SLC11A2: variants seen among roughly 807,000 people sequenced by gnomAD.
The protein encoded by SLC11A2 is natural resistance-associated macrophage protein 2.
Under a neutral mutation model 68.0 loss-of-function variants are expected in SLC11A2, and 38 were observed. The ratio of observed to expected loss-of-function variants is 0.56; its 90% CI spans 0.43 to 0.73. The LOEUF (loss-of-function observed/expected upper bound fraction) is 0.73, where lower values mean the gene tolerates loss of function less well. Among genes scored for constraint, SLC11A2 ranks in the 30% least tolerant of loss-of-function variants. SLC11A2 has a pLI of 0.00. For synonymous variants in SLC11A2, 242 were observed against 250.6 expected (o/e 0.97, Z 0.32); for missense variants, 517 against 690.5 (o/e 0.75, Z 2.82).
chr12:50,987,795 T>C lies in SLC11A2; in HGVS notation c.*530A>G. On this transcript the variant is annotated 3_prime_UTR_variant, in exon 16 of 16. Coordinates refer to ENST00000262052, the MANE Select transcript of SLC11A2 (RefSeq NM_000617.3). The stretch of plus-strand genomic sequence containing the variant: ...ATCCTAAGCCTGATAGAGCTAGGTG[T>C]CTCTTCATTTTATATTTCATATGGA... The C allele has an allele frequency of 7.9e-7, 1 of 1,272,986 alleles. No homozygotes were observed. Among genetic ancestry groups the C allele is most frequent in the Non-Finnish European group, 1.0e-6 (1 of 983,768 alleles). The allele number at this position is 1,272,986 out of a possible 1,614,324, so 78.9% of individuals were successfully genotyped here.
chr12:51,011,552 G>GTTTTTTTT (rs772957287), intron 1 of SLC11A2, among the ~76,000 whole-genome samples: 2 of 125,242 alleles, frequency 1.6e-5, no homozygotes, highest in Non-Finnish European at 1.6e-5. Context: ...TTTATGAGTT[G>GTTTTTTTT]TTTTTTTTTG....
At position 50,987,924 on chromosome 12, in the gene SLC11A2, A is replaced by C; in HGVS notation, c.*401T>G. 1 of 1,277,396 alleles carries C rather than the reference A, an allele frequency of 7.8e-7. No homozygotes were observed. Among genetic ancestry groups the C allele is most frequent in the Non-Finnish European group, 1.0e-6 (1 of 983,298 alleles). The allele number at this position is 1,277,396 out of a possible 1,614,324, so 79.1% of individuals were successfully genotyped here. ...AAAATCCATTACATTTTGATAAATA[A>C]AACTTGCATACTCATTCTGTAGTTT... On this transcript the variant is annotated 3_prime_UTR_variant, in exon 16 of 16. Coordinates refer to ENST00000262052, the MANE Select transcript of SLC11A2 (RefSeq NM_000617.3).
intron 15 of SLC11A2, among the ~76,000 whole-genome samples, chr12:50,990,176 A>C (rs1941004671): frequency 9.6e-5 from 1 of 10,408 alleles, no homozygotes; most frequent in South Asian, 5.3e-3. Flanking sequence ...TTAAAAAATG[A>C]CTCTAGAATG....
chr12:50,993,283 G>A, intron 11 of SLC11A2: 1 of 272,312 alleles, frequency 3.7e-6, no homozygotes. Context: ...TAGAAGTACA[G>A]GGAAATATCA....
At chr12:50,953,208 C>T in the SLC11A2 span, among the ~76,000 whole-genome samples, 1 of 152,180 alleles carries the variant, frequency 6.6e-6, no homozygotes, top group African/African-American at 2.4e-5. Context: ...TCTACAGCCT[C>T]TTGCTGAAGG....
chr12:50,999,335 C>T lies in SLC11A2; in HGVS notation c.607+10G>A. Reference sequence around the variant, plus strand: ...AGCTCCTTTGACCCTCCCATTCCCGCTCTCCTTACCATATTTGTCCAAGAA... The same window carrying T: ...AGCTCCTTTGACCCTCCCATTCCCGTTCTCCTTACCATATTTGTCCAAGAA... On this transcript the variant is annotated intron_variant, in intron 7 of 15. Transcript: ENST00000262052. 6.2e-7 allele frequency: 1 copy of T among 1,613,242 alleles called. No homozygotes were observed. Among genetic ancestry groups the T allele is most frequent in the South Asian group, 1.1e-5 (1 of 91,056 alleles).
chr12:50,994,744 C>T (rs1386085830), intron 10 of SLC11A2, 114 bp from the exon 11 acceptor site: 3 of 732,454 alleles, frequency 4.1e-6, no homozygotes, highest in Non-Finnish European at 7.6e-6. Context: ...AGGGAAAACA[C>T]TGGACATATG....
chr12:50,962,892 G>A, the SLC11A2 span, among the ~76,000 whole-genome samples: 1 of 152,118 alleles, frequency 6.6e-6, no homozygotes, highest in South Asian at 2.1e-4. Context: ...CAGAAGCATG[G>A]CATGTAAGTG....
At chr12:50,954,148 C>A in the SLC11A2 span, 3 of 1,027,612 alleles carry the variant, frequency 2.9e-6, no homozygotes, top group Non-Finnish European at 4.5e-6. Flanking sequence ...TGATGCCTTA[C>A]CCAGTGCCTT....
the SLC11A2 span, among the ~76,000 whole-genome samples, chr12:50,966,919 C>G: frequency 6.6e-6 from 1 of 152,092 alleles, no homozygotes; most frequent in African/African-American, 2.4e-5. Context: ...AGTTCGAGAA[C>G]AGCCTGGCCA....
intron 2 of SLC11A2, among the ~76,000 whole-genome samples, chr12:51,009,590 A>C (rs1943036840): frequency 1.3e-5 from 2 of 152,198 alleles, no homozygotes; most frequent in South Asian, 4.1e-4. Flanking sequence ...TTAATGAAGA[A>C]ATTTATAGAA....
intron 9 of SLC11A2, 47 bp from the exon 10 acceptor site, chr12:50,995,834 T>G: frequency 2.5e-6 from 4 of 1,590,656 alleles, no homozygotes; most frequent in Non-Finnish European, 3.5e-6. Flanking sequence ...TTAGAACAAG[T>G]TTCCTTGTGA....
upstream of SLC11A2, among the ~76,000 whole-genome samples, chr12:51,026,896 G>T (rs1309219542): frequency 6.6e-6 from 1 of 152,092 alleles, no homozygotes; most frequent in Non-Finnish European, 1.5e-5. Flanking sequence ...CCAAGCAAAG[G>T]CCGGGCGCGG....
chr12:50,982,361 C>T (rs1473427145), downstream of SLC11A2, among the ~76,000 whole-genome samples: 1 of 152,208 alleles, frequency 6.6e-6, no homozygotes, highest in Admixed American at 6.5e-5. Flanking sequence ...TGCGGTGGCT[C>T]ACGCCTGTAA....
chr12:51,016,656 TG>T (rs1267459482), intron 1 of SLC11A2, among the ~76,000 whole-genome samples: 1 of 136,176 alleles, frequency 7.3e-6, no homozygotes, highest in Non-Finnish European at 1.6e-5. Context: ...CACTCCAGCC[TG>T]GGTGGCAGGG....
chr12:51,025,873 C>A lies in SLC11A2; in HGVS notation c.-39+437G>T, dbSNP rs189751065. 4.8e-4 allele frequency: 470 copies of A among 988,200 alleles called. 1 individual carries two copies. The Admixed American group carries it at 0.018, about 37-fold the overall frequency. 61.2% of individuals were successfully genotyped at this position (988,200 alleles called of 1,614,324 possible). ...TTTGTTGAAGCGGGGCGGCGGGAGG[C>A]CCCGGAGAGCAGCCCGGCCCCCTGC... On this transcript the variant is annotated intron_variant, in intron 1 of 15. Coordinates refer to ENST00000262052, the MANE Select transcript of SLC11A2 (RefSeq NM_000617.3).
At chr12:51,020,971 G>A (rs2239860) in intron 1 of SLC11A2, among the ~76,000 whole-genome samples, 10,789 of 152,078 alleles carry the variant, frequency 0.071, 731 homozygotes, top group East Asian at 0.28. Context: ...CACTCCTGTA[G>A]TCCCAACTAC....
intron 5 of SLC11A2, among the ~76,000 whole-genome samples, 180 bp downstream of exon 5, chr12:51,004,608 G>A (rs771322241): frequency 4.6e-5 from 7 of 152,136 alleles, no homozygotes; most frequent in South Asian, 4.1e-4. Flanking sequence ...TTGAAAGAGG[G>A]GGAAAACATG....
intron 1 of SLC11A2, among the ~76,000 whole-genome samples, chr12:51,021,787 G>A (rs1271772112): frequency 6.6e-6 from 1 of 152,162 alleles, no homozygotes; most frequent in African/African-American, 2.4e-5. Flanking sequence ...AAAATGTTAG[G>A]AAGCAAGAAG....
Sources: allele counts gnomAD v4.1 joint callset (sites outside exome capture counted in the v4.1 genomes callset), GRCh38; gene constraint gnomAD v4.1.1; transcripts MANE v1.5; gene names NCBI Gene and HGNC (gene_info 2026-07-23, HGNC 2026-07-21).